Variants in RFX8 observed in about 807,000 individuals in gnomAD.
The protein encoded by RFX8 is regulatory factor X8, also known as DNA-binding protein RFX8.
RFX8 carries 46 observed loss-of-function variants against 54.6 expected under a neutral mutation model. The ratio of observed to expected loss-of-function variants is 0.84; its 90% CI spans 0.67 to 1.08. The LOEUF (loss-of-function observed/expected upper bound fraction) is 1.08, where lower values mean the gene tolerates loss of function less well. RFX8 is among the 50% of genes least tolerant of loss of function. The pLI, the probability that RFX8 is intolerant of heterozygous loss-of-function variation, is 0.00. For missense variants in RFX8, 536 were observed against 562.3 expected, an observed-to-expected ratio of 0.95 and a Z score of 0.47; for synonymous variants, 192 against 209.5, an observed-to-expected ratio of 0.92 and a Z score of 0.72.
chr2:101,397,483 A>G lies in RFX8; in HGVS notation c.*65T>C. On this transcript the variant is annotated 3_prime_UTR_variant, in exon 12 of 12. Transcript: ENST00000428343. ...CATCTTTCGTCAATAGAAAAACTTT[A>G]GTATTTAATATTTTTAAGAATGCAA... is the stretch of plus-strand genomic sequence containing the variant. The G allele has an allele frequency of 5.6e-6, 6 of 1,078,012 alleles. No homozygotes were observed. Among genetic ancestry groups the G allele is most frequent in the Non-Finnish European group, 6.5e-6 (5 of 768,226 alleles). 66.8% of individuals were successfully genotyped at this position (1,078,012 alleles called of 1,614,324 possible). A position where few individuals can be genotyped will look rare whatever the true frequency, so the allele number is the denominator to read the frequency against.
chr2:101,402,569 G>A lies in RFX8; in HGVS notation c.1112C>T (p.Ala371Val), dbSNP rs375170866. 43 of 1,551,742 alleles carry A rather than the reference G, an allele frequency of 2.8e-5. No individual in the cohort carries two copies. The highest frequency in any genetic ancestry group is 2.4e-4 in the Admixed American group (12 of 50,986). Residue 371 changes from alanine to valine, a missense_variant, in exon 11 of 12, where the codon GCG (alanine) becomes GTG (valine). By Grantham distance (64) the Ala-to-Val change is moderately conservative. Coordinates refer to ENST00000428343, the MANE Select transcript of RFX8 (RefSeq NM_001145664.2). ...FHSLNSSLSQ[A>V]CASPSMEPLG... is the part of the protein sequence containing the mutation. ...TGGCTCCATGCTGGGGCTGGCACAC[G>A]CCTGCGACAGTGAGGAATTCAGAGA...
intron 2 of RFX8, among the ~76,000 whole-genome samples, chr2:101,447,678 A>G (rs1201468785): frequency 6.6e-6 from 1 of 152,156 alleles, no homozygotes; most frequent in Non-Finnish European, 1.5e-5. Flanking sequence ...AACTATAGTC[A>G]CCCTACTGGG....
intron 2 of RFX8, among the ~76,000 whole-genome samples, chr2:101,438,960 C>T (rs946759428): frequency 5.6e-4 from 85 of 152,156 alleles, no homozygotes; most frequent in African/African-American, 2.0e-3. Flanking sequence ...TACAGGCGCC[C>T]GCCACCATGC....
chr2:101,406,666 C>G (rs1685756023), intron 9 of RFX8, among the ~76,000 whole-genome samples: 1 of 152,068 alleles, frequency 6.6e-6, no homozygotes, highest in African/African-American at 2.4e-5. Context: ...AAAAAGAGGT[C>G]ACTTGTGATG....
At chr2:101,441,829 C>T (rs1323510079) in intron 2 of RFX8, among the ~76,000 whole-genome samples, 1 of 152,134 alleles carries the variant, frequency 6.6e-6, no homozygotes, top group Non-Finnish European at 1.5e-5. Flanking sequence ...ATACTTGAGT[C>T]ATTTTTTTCT....
At chr2:101,429,140 C>T (rs1297010368) in intron 2 of RFX8, 12 of 628,574 alleles carry the variant, frequency 1.9e-5, no homozygotes, top group Non-Finnish European at 3.1e-5. Context: ...TTGAAAAACC[C>T]TCTGCCATGT....
chr2:101,451,683 C>G (rs537392614), intron 2 of RFX8, among the ~76,000 whole-genome samples: 2 of 86,450 alleles, frequency 2.3e-5, no homozygotes, highest in Admixed American at 1.2e-4. Flanking sequence ...GGGTGAAACT[C>G]CGTCTCAAAA....
In RFX8 at chr2:101,403,814, C is replaced by G. The variant is rs1417449513; in HGVS notation, c.929-1062G>C. ...GAAGAAAAAAGAAAAAAGGACATATCAAAGGTTTTATTTAACTCATTAATT... is the reference window on the plus strand; with the variant it reads ...GAAGAAAAAAGAAAAAAGGACATATGAAAGGTTTTATTTAACTCATTAATT... On this transcript the variant is annotated intron_variant, in intron 10 of 11. Transcript: ENST00000428343. 2.6e-5 allele frequency among the ~76,000 whole-genome samples: 4 copies of G among 152,088 alleles called. No homozygotes were observed. In the East Asian group the frequency reaches 7.7e-4, roughly 29 times the overall value.
chr2:101,470,695 G>A (rs2149001342), intron 1 of RFX8, among the ~76,000 whole-genome samples: 1 of 136,046 alleles, frequency 7.4e-6, no homozygotes, highest in South Asian at 2.4e-4. Context: ...TGCTTCACAC[G>A]TTTTCTGAGT....
At chr2:101,401,034 T>G (rs981122287) in intron 11 of RFX8, among the ~76,000 whole-genome samples, 3 of 152,166 alleles carry the variant, frequency 2.0e-5, no homozygotes, top group East Asian at 1.9e-4. Flanking sequence ...CACCCCCAAG[T>G]TGGGGTCAGT....
intron 1 of RFX8, 177 bp downstream of exon 1, chr2:101,474,459 C>T: frequency 2.8e-6 from 1 of 356,282 alleles, no homozygotes; most frequent in Admixed American, 4.7e-5. Flanking sequence ...GCGCGGAAGG[C>T]GCGCGGCGAG....
intron 2 of RFX8, among the ~76,000 whole-genome samples, chr2:101,445,173 T>C (rs886537793): frequency 1.3e-5 from 2 of 152,158 alleles, no homozygotes; most frequent in African/African-American, 4.8e-5. Flanking sequence ...TTCAGGTTCC[T>C]CTCCTCCCAC....
rs577225788 is a variant in RFX8 at position 101,424,386 on chromosome 2, G to A, written c.73-1914C>T. 3.0e-4 allele frequency among the ~76,000 whole-genome samples: 46 copies of A among 152,306 alleles called. No homozygotes were observed. The South Asian group carries it at 8.9e-3, about 29-fold the overall frequency. ...GGAAACAACAGGTGCTGGAGAGGAT[G>A]TGGAGAAATAGGAATGCTTTTACAC... On this transcript the variant is annotated intron_variant, in intron 2 of 11. Transcript: ENST00000428343.
At chr2:101,421,630 C>T (rs935831406) in intron 4 of RFX8, 94 bp downstream of exon 4, 23 of 1,489,316 alleles carry the variant, frequency 1.5e-5, no homozygotes, top group African/African-American at 2.8e-5. Context: ...CATCTGTTGA[C>T]GGGGTCTCTT....
At chr2:101,453,880 A>G (rs1688828662) in intron 2 of RFX8, among the ~76,000 whole-genome samples, 1 of 152,062 alleles carries the variant, frequency 6.6e-6, no homozygotes, top group African/African-American at 2.4e-5. Context: ...TCTTTTTCTA[A>G]TGTGATAGTC....
At chr2:101,427,680 A>C (rs576228811) in intron 2 of RFX8, among the ~76,000 whole-genome samples, 2 of 151,926 alleles carry the variant, frequency 1.3e-5, no homozygotes, top group African/African-American at 4.8e-5. Flanking sequence ...CTCTCTAATC[A>C]CTCTTGCCTC....
At chr2:101,465,371 G>A (rs186519171) in intron 2 of RFX8, among the ~76,000 whole-genome samples, 2 of 152,240 alleles carry the variant, frequency 1.3e-5, no homozygotes, top group African/African-American at 2.4e-5. Flanking sequence ...TTAGCTGGGC[G>A]TGGTGGTGCA....
intron 2 of RFX8, among the ~76,000 whole-genome samples, chr2:101,463,605 A>C (rs1573484780): frequency 2.0e-5 from 3 of 152,340 alleles, no homozygotes; most frequent in African/African-American, 7.2e-5. Context: ...GGCAGGCAGC[A>C]CGTGACCACT....
At chr2:101,454,712 T>C (rs1394366651) in intron 2 of RFX8, among the ~76,000 whole-genome samples, 1 of 152,240 alleles carries the variant, frequency 6.6e-6, no homozygotes, top group African/African-American at 2.4e-5. Context: ...GAAGAGTCTG[T>C]TCATACCCTT....
Sources: gnomAD v4.1 joint callset for allele counts (sites outside exome capture counted in the v4.1 genomes callset) on GRCh38, gnomAD v4.1.1 for gene constraint, MANE v1.5 for transcripts, NCBI Gene and HGNC (gene_info 2026-07-23, HGNC 2026-07-21) for gene names.